UTRN: variants seen among roughly 807,000 people sequenced by gnomAD.
The protein encoded by UTRN is utrophin.
Under a neutral mutation model 463.9 loss-of-function variants are expected in UTRN, and 283 were observed. That is an observed-to-expected ratio of 0.61 (90% CI 0.55 to 0.67). UTRN has a LOEUF of 0.67. Among genes scored for constraint, UTRN ranks in the 30% least tolerant of loss-of-function variants. The probability of loss-of-function intolerance (pLI) is 0.00; values close to 1 mark genes in which losing one functional copy is unlikely to be tolerated. For missense variants in UTRN, 3,922 were observed against 4,084.3 expected, an observed-to-expected ratio of 0.96 and a Z score of 1.08; for synonymous variants, 1,442 against 1,431.5, an observed-to-expected ratio of 1.01 and a Z score of -0.17.
rs1046644144 is a variant in UTRN, at chr6:144,401,637, G to T, written c.80-1486G>T. Among the ~76,000 whole-genome samples, 4 of 151,562 alleles carry T rather than the reference G, an allele frequency of 2.6e-5. No homozygotes were observed. The South Asian group carries it at 8.3e-4, about 32-fold the overall frequency. On this transcript the variant is annotated intron_variant, in intron 2 of 74. Transcript: ENST00000367545. ...CTTGCTCCCTTAGTGTCTTGGAGTT[G>T]GTCTCCAATTACCTTTATGGATTTG...
intron 65 of UTRN, among the ~76,000 whole-genome samples, chr6:144,818,943 G>A (rs895830852): frequency 6.8e-5 from 10 of 147,994 alleles, no homozygotes; most frequent in African/African-American, 1.8e-4. Flanking sequence ...CTCTCAAACC[G>A]TCAGATCTTA....
chr6:144,349,657 C>A (rs758841835), intron 2 of UTRN, among the ~76,000 whole-genome samples: 1 of 152,108 alleles, frequency 6.6e-6, no homozygotes, highest in Non-Finnish European at 1.5e-5. Context: ...TATATTTAAG[C>A]TGAAGCTGTG....
At chr6:144,340,279 G>A (rs1777046286) in intron 2 of UTRN, among the ~76,000 whole-genome samples, 1 of 152,204 alleles carries the variant, frequency 6.6e-6, no homozygotes, top group Non-Finnish European at 1.5e-5. Context: ...TTTGGCTCTA[G>A]TTCTTGTTGG....
At chr6:144,780,964 A>G (rs1340705795) in intron 60 of UTRN, among the ~76,000 whole-genome samples, 2 of 152,186 alleles carry the variant, frequency 1.3e-5, no homozygotes, top group Non-Finnish European at 2.9e-5. Flanking sequence ...AGCCTTTTCC[A>G]GTTGTCTTTC....
chr6:144,680,027 G>T (rs1002102811), intron 52 of UTRN, among the ~76,000 whole-genome samples: 3 of 152,110 alleles, frequency 2.0e-5, no homozygotes, highest in Non-Finnish European at 4.4e-5. Flanking sequence ...CAACTGCCTA[G>T]ATCCCATCAG....
intron 58 of UTRN, among the ~76,000 whole-genome samples, chr6:144,769,397 T>C: frequency 6.6e-6 from 1 of 152,218 alleles, no homozygotes; most frequent in South Asian, 2.1e-4. Context: ...GTGTTGGCAG[T>C]TCTGCCTAAT....
At chr6:144,392,132 G>A (rs909541269) in intron 2 of UTRN, among the ~76,000 whole-genome samples, 1 of 152,158 alleles carries the variant, frequency 6.6e-6, no homozygotes, top group African/African-American at 2.4e-5. Flanking sequence ...TTTTCAAGAT[G>A]TTTTAAAATA....
chr6:144,462,017 C>T (rs1442471999), intron 22 of UTRN, among the ~76,000 whole-genome samples: 1 of 152,074 alleles, frequency 6.6e-6, no homozygotes, highest in African/African-American at 2.4e-5. Context: ...ACGTATTAAG[C>T]CCAGCATCCA....
At chr6:144,414,715 T>TTG (rs1491506075) in intron 3 of UTRN, among the ~76,000 whole-genome samples, 1 of 8,292 alleles carries the variant, frequency 1.2e-4, no homozygotes, top group African/African-American at 5.1e-4. Context: ...GTACTATATC[T>TTG]TTTTTTTTTT....
At chr6:144,650,258 T>C (rs1585780908) in intron 51 of UTRN, among the ~76,000 whole-genome samples, 1 of 152,140 alleles carries the variant, frequency 6.6e-6, no homozygotes, top group African/African-American at 2.4e-5. Context: ...CACGTGGGAA[T>C]TATGGGAGCT....
In UTRN at chr6:144,448,609, G is replaced by C; in HGVS notation, c.1912G>C (p.Ala638Pro). The change falls in exon 17 of 75, where the codon GCT becomes CCT. Residue 638 changes from alanine (A) to proline (P), a missense_variant. Coordinates refer to ENST00000367545, the MANE Select transcript of UTRN (RefSeq NM_007124.3). ...ATGGCTTTTATTTCAGGTGACTCAG[G>C]CTGTAGCAAAGCTGGGGATGTCTCA... ...LEDSSNQVTQ[A>P]VAKLGMSQIP... 5 of 1,613,710 alleles carry C rather than the reference G, an allele frequency of 3.1e-6. No individual in the cohort carries two copies. Among genetic ancestry groups the C allele is most frequent in the Non-Finnish European group, 4.2e-6 (5 of 1,179,784 alleles).
At chr6:144,329,555 G>A (rs1776199843) in intron 2 of UTRN, among the ~76,000 whole-genome samples, 2 of 152,104 alleles carry the variant, frequency 1.3e-5, no homozygotes, top group Admixed American at 6.6e-5. Flanking sequence ...GAGCCAAATG[G>A]TATTTTCAAG....
At chr6:144,443,180 A>G (rs937602118) in intron 13 of UTRN, among the ~76,000 whole-genome samples, 2 of 152,212 alleles carry the variant, frequency 1.3e-5, no homozygotes, top group African/African-American at 2.4e-5. Context: ...GACGTTGCCA[A>G]TTTATTTAAA....
intron 9 of UTRN, among the ~76,000 whole-genome samples, chr6:144,434,767 C>T (rs1786366999): frequency 6.6e-6 from 1 of 152,112 alleles, no homozygotes; most frequent in South Asian, 2.1e-4. Flanking sequence ...TGCTGTTGAA[C>T]CAGCAGGAAA....
chr6:144,356,906 C>T (rs1049404581), intron 2 of UTRN, among the ~76,000 whole-genome samples: 3 of 147,156 alleles, frequency 2.0e-5, no homozygotes, highest in African/African-American at 7.6e-5. Flanking sequence ...TATACACACA[C>T]ACATACTGTT....
Position 144,514,701 on chromosome 6 carries a change from G to A in UTRN, c.5125G>A (p.Asp1709Asn), listed in dbSNP as rs573817723. 2.6e-5 allele frequency: 42 copies of A among 1,614,146 alleles called. 1 individual carries two copies. In the South Asian group the frequency reaches 3.3e-4, roughly 13 times the overall value. The change falls in exon 37 of 75, where the codon GAT (aspartate) becomes AAT (asparagine). Residue 1709 changes from aspartate to asparagine, a missense_variant. Asp to Asn is a conservative substitution (Grantham distance 23). Coordinates refer to ENST00000367545, the MANE Select transcript of UTRN (RefSeq NM_007124.3). ...CAACCTCCAGGTTGAAAATGTCCGCGATCAAGCCCTTATTTTGATGAATGC... is the reference window on the plus strand; with the variant it reads ...CAACCTCCAGGTTGAAAATGTCCGCAATCAAGCCCTTATTTTGATGAATGC... The part of the protein sequence containing the change: ...DANLQVENVR[D>N]QALILMNARG...
In UTRN at chr6:144,487,581, A is replaced by G. The variant is rs1158436574; in HGVS notation, c.3856A>G (p.Asn1286Asp). 6.2e-7 allele frequency: 1 copy of G among 1,613,118 alleles called. No individual in the cohort carries two copies. Among genetic ancestry groups the G allele is most frequent in the Non-Finnish European group, 8.5e-7 (1 of 1,179,498 alleles). ...ATCTGTTCTGCGCCACCCGGCAGAT[A>G]ATCGCACCCAGATTCGAGAGCTTGG... ...LESVLRHPAD[N>D]RTQIRELGQT... The change falls in exon 29 of 75, where the codon AAT becomes GAT. Residue 1286 changes from asparagine to aspartate, a missense_variant. This residue lies in a region of UTRN where 2,349 missense variants were observed against 2,303.8 expected (regional missense o/e 1.02). Transcript: ENST00000367545.
intron 53 of UTRN, among the ~76,000 whole-genome samples, chr6:144,724,949 C>T (rs917857954): frequency 6.6e-6 from 1 of 152,076 alleles, no homozygotes; most frequent in South Asian, 2.1e-4. Flanking sequence ...TCGGTATATA[C>T]CTATGTGTAG....
chr6:144,758,665 C>A (rs1253413911), intron 58 of UTRN, among the ~76,000 whole-genome samples: 1 of 151,970 alleles, frequency 6.6e-6, no homozygotes, highest in Non-Finnish European at 1.5e-5. Flanking sequence ...AGGCGTTGAT[C>A]CTTGGCTTAG....
Sources: allele counts gnomAD v4.1 joint callset (sites outside exome capture counted in the v4.1 genomes callset), GRCh38; gene constraint gnomAD v4.1.1; regional missense constraint gnomAD v4.1.1; transcripts MANE v1.5; gene names NCBI Gene and HGNC (gene_info 2026-07-23, HGNC 2026-07-21).